PLPPR5: variants seen among roughly 807,000 people sequenced by gnomAD.
PLPPR5 encodes phospholipid phosphatase-related protein type 5.
Under a neutral mutation model 33.9 loss-of-function variants are expected in PLPPR5, and 16 were observed. The ratio of observed to expected loss-of-function variants is 0.47; its 90% confidence interval spans 0.32 to 0.72. The LOEUF (loss-of-function observed/expected upper bound fraction) is 0.72. PLPPR5 is among the 30% of genes least tolerant of loss of function. The pLI is 0.03. For synonymous variants in PLPPR5, 163 were observed against 150.3 expected (o/e 1.08, Z -0.62); for missense variants, 301 against 406.7 (o/e 0.74, Z 2.23).
At chr1:98,941,831 A>G (rs1210059246) in intron 3 of PLPPR5, among the ~76,000 whole-genome samples, 1 of 151,446 alleles carries the variant, frequency 6.6e-6, no homozygotes, top group South Asian at 2.1e-4. Flanking sequence ...TTTAAATGCC[A>G]TAAACAAACA....
chr1:98,943,727 T>C (rs893968161), intron 3 of PLPPR5, among the ~76,000 whole-genome samples: 1 of 152,230 alleles, frequency 6.6e-6, no homozygotes, highest in African/African-American at 2.4e-5. Flanking sequence ...AGATTTAATG[T>C]CACCTCTCAA....
At chr1:98,959,867 G>A (rs1651162934) in intron 1 of PLPPR5, among the ~76,000 whole-genome samples, 1 of 152,146 alleles carries the variant, frequency 6.6e-6, no homozygotes, top group South Asian at 2.1e-4. Flanking sequence ...TTTTCAAACA[G>A]AGAGTTGCTG....
chr1:98,982,027 T>C (rs551816152), intron 1 of PLPPR5, among the ~76,000 whole-genome samples: 12 of 152,182 alleles, frequency 7.9e-5, no homozygotes, highest in Non-Finnish European at 1.0e-4. Flanking sequence ...TTCTCAAAAA[T>C]AGTTCCATGT....
intron 1 of PLPPR5, among the ~76,000 whole-genome samples, chr1:98,975,096 C>A (rs914894454): frequency 6.6e-6 from 1 of 152,046 alleles, no homozygotes; most frequent in South Asian, 2.1e-4. Flanking sequence ...TGTAACTATT[C>A]CTTTCAGAGA....
intron 5 of PLPPR5, among the ~76,000 whole-genome samples, chr1:98,905,162 G>A (rs1405414745): frequency 6.6e-6 from 1 of 152,090 alleles, no homozygotes; most frequent in Non-Finnish European, 1.5e-5. Flanking sequence ...TCCCTTTATG[G>A]AAGGACTTTA....
At chr1:98,996,003 T>C (rs1652617920) in intron 1 of PLPPR5, among the ~76,000 whole-genome samples, 1 of 151,968 alleles carries the variant, frequency 6.6e-6, no homozygotes, top group Non-Finnish European at 1.5e-5. Context: ...GTAAATAAAA[T>C]ACAATATAAA....
chr1:99,001,016 G>T (rs1233519795), intron 1 of PLPPR5, among the ~76,000 whole-genome samples: 1 of 151,928 alleles, frequency 6.6e-6, no homozygotes, highest in Non-Finnish European at 1.5e-5. Flanking sequence ...ATGGGCCAAA[G>T]ATGACATTTA....
intron 4 of PLPPR5, among the ~76,000 whole-genome samples, chr1:98,915,786 G>A (rs552509706): frequency 6.8e-4 from 104 of 152,154 alleles, no homozygotes; most frequent in African/African-American, 2.4e-3. Context: ...TGAAGAATGG[G>A]GCCTAGGAGT....
intron 4 of PLPPR5, among the ~76,000 whole-genome samples, chr1:98,921,187 A>G (rs1649539483): frequency 6.6e-6 from 1 of 152,228 alleles, no homozygotes; most frequent in Admixed American, 6.5e-5. Flanking sequence ...AAACCTATGG[A>G]AATAGTCCTA....
At chr1:99,005,596 CT>C (rs1211871209), upstream of PLPPR5, among the ~76,000 whole-genome samples, 1 of 152,146 alleles carries the variant, frequency 6.6e-6, no homozygotes, top group Non-Finnish European at 1.5e-5. Context: ...TTCAGTCTGT[CT>C]TTATTAGCTG....
chr1:98,910,325 T>C (rs1444035376), intron 5 of PLPPR5, among the ~76,000 whole-genome samples: 1 of 152,164 alleles, frequency 6.6e-6, no homozygotes, highest in South Asian at 2.1e-4. Context: ...GAATTTTGCA[T>C]TTACTTGTTT....
chr1:98,901,418 G>A (rs76594170), intron 5 of PLPPR5, among the ~76,000 whole-genome samples: 12 of 152,032 alleles, frequency 7.9e-5, no homozygotes, highest in East Asian at 1.9e-4. Flanking sequence ...AAAGCTATAC[G>A]CCAAGGAAGG....
At chr1:98,931,828 T>C (rs147675880) in intron 3 of PLPPR5, among the ~76,000 whole-genome samples, 1 of 152,254 alleles carries the variant, frequency 6.6e-6, no homozygotes, top group African/African-American at 2.4e-5. Flanking sequence ...AAAGGGGATA[T>C]GAGAATGTGA....
rs143143711 is a variant in PLPPR5 at position 98,955,205 on chromosome 1, A to C, written c.370+1404T>G. Among the ~76,000 whole-genome samples, 399 of 152,240 alleles carry C rather than the reference A, an allele frequency of 2.6e-3. 3 individuals carry two copies. The highest frequency in any genetic ancestry group is 9.3e-3 in the African/African-American group (387 of 41,572). On this transcript the variant is annotated intron_variant, in intron 2 of 5. Coordinates refer to ENST00000263177, the MANE Select transcript of PLPPR5 (RefSeq NM_001037317.2). The stretch of plus-strand genomic sequence containing the variant: ...GAAACATCCAAACCATAAGGGAACA[A>C]GAAACAAATGGGCTTTCATATTTTA...
chr1:98,918,194 A>C (rs540563936), intron 4 of PLPPR5, among the ~76,000 whole-genome samples: 1 of 152,304 alleles, frequency 6.6e-6, no homozygotes, highest in Non-Finnish European at 1.5e-5. Context: ...TTGGGGTCAA[A>C]CTGGTCTGGA....
rs755789772 is a variant in PLPPR5, at chr1:98,953,070, G to T, written c.621C>A (p.Thr207=). The T allele has an allele frequency of 3.1e-6, 5 of 1,613,778 alleles. No individual in the cohort carries two copies. The highest frequency in any genetic ancestry group is 1.7e-4 in the Middle Eastern group (1 of 6,058). ...ALSVYAAMYL[T]MYITNTIKAK... ...CAACAAATTTATAATCCTTACTTACGGTCAGATACATAGCTGCATAGACAC... is the reference window on the plus strand; with the variant it reads ...CAACAAATTTATAATCCTTACTTACTGTCAGATACATAGCTGCATAGACAC... The change falls in exon 3 of 6, where the codon ACC becomes ACA. Residue 207 remains threonine (T), a splice_region_variant and synonymous_variant. Transcript: ENST00000263177.
chr1:98,922,381 T>G (rs1281281882), intron 3 of PLPPR5, among the ~76,000 whole-genome samples: 3 of 152,210 alleles, frequency 2.0e-5, no homozygotes, highest in South Asian at 4.1e-4. Context: ...TATCCATTCT[T>G]GTTTTATCTG....
At chr1:99,004,405 G>C (rs1392289370) in intron 1 of PLPPR5, 30 bp downstream of exon 1, 3 of 1,549,724 alleles carry the variant, frequency 1.9e-6, no homozygotes, top group African/African-American at 1.4e-5. Context: ...TCAGGGACTC[G>C]GCGACGAGGG....
chr1:98,898,982 C>T (rs576139036), intron 5 of PLPPR5, among the ~76,000 whole-genome samples: 15 of 152,102 alleles, frequency 9.9e-5, no homozygotes, highest in Admixed American at 3.9e-4. Flanking sequence ...TTTCCAAGTC[C>T]TGAGAAGCCA....
Sources: allele counts gnomAD v4.1 joint callset (sites outside exome capture counted in the v4.1 genomes callset), GRCh38; gene constraint gnomAD v4.1.1; transcripts MANE v1.5; gene names NCBI Gene and HGNC (gene_info 2026-07-23, HGNC 2026-07-21).